The following BAZ2B variants were observed in gnomAD, a reference collection of about 807,000 sequenced individuals.
The protein encoded by BAZ2B is bromodomain adjacent to zinc finger domain protein 2B.
A neutral mutation model predicts 246.0 loss-of-function variants in BAZ2B; 91 were observed. The ratio of observed to expected loss-of-function variants is 0.37; its 90% CI spans 0.31 to 0.44. The LOEUF (loss-of-function observed/expected upper bound fraction) is 0.44. Among genes scored for constraint, BAZ2B ranks in the 20% least tolerant of loss-of-function variants. The probability of loss-of-function intolerance (pLI) is 1.00; values close to 1 mark genes in which losing one functional copy is unlikely to be tolerated. For missense variants in BAZ2B, 2,332 were observed against 2,533.7 expected, an observed-to-expected ratio of 0.92 and a Z score of 1.71; for synonymous variants, 855 against 860.0, an observed-to-expected ratio of 0.99 and a Z score of 0.10.
intron 26 of BAZ2B, 93 bp downstream of exon 26, chr2:159,374,598 T>G (rs1240903129): frequency 4.5e-6 from 5 of 1,109,078 alleles, no homozygotes; most frequent in Non-Finnish European, 5.3e-6. Context: ...CAAAAGCCTA[T>G]TTTTGCTTAG....
At chr2:159,568,243 T>C (rs1016035973) in intron 1 of BAZ2B, among the ~76,000 whole-genome samples, 2 of 152,216 alleles carry the variant, frequency 1.3e-5, no homozygotes, top group Non-Finnish European at 2.9e-5. Flanking sequence ...GAACAGCTGA[T>C]GTCCATAGAA....
chr2:159,423,394 G>A (rs184091821), intron 13 of BAZ2B, among the ~76,000 whole-genome samples: 5 of 152,214 alleles, frequency 3.3e-5, no homozygotes, highest in Admixed American at 1.3e-4. Flanking sequence ...CAAAGAAAAG[G>A]GAACACTTTA....
chr2:159,470,653 C>T (rs1292165442), intron 3 of BAZ2B, among the ~76,000 whole-genome samples: 1 of 152,106 alleles, frequency 6.6e-6, no homozygotes, highest in Non-Finnish European at 1.5e-5. Context: ...AGTGTACAGA[C>T]TCAAGCTTTA....
intron 1 of BAZ2B, among the ~76,000 whole-genome samples, chr2:159,590,624 T>C (rs953078863): frequency 6.6e-6 from 1 of 151,920 alleles, no homozygotes; most frequent in Non-Finnish European, 1.5e-5. Context: ...GATAGATAGA[T>C]AGCTTGGATA....
chr2:159,475,670 T>G (rs2150877652), intron 3 of BAZ2B, among the ~76,000 whole-genome samples: 1 of 152,326 alleles, frequency 6.6e-6, no homozygotes, highest in South Asian at 2.1e-4. Context: ...TTGCGCTGGT[T>G]TTTCCTCATC....
chr2:159,412,828 G>C (rs1369535598), intron 13 of BAZ2B, among the ~76,000 whole-genome samples: 3 of 152,022 alleles, frequency 2.0e-5, no homozygotes, highest in Non-Finnish European at 2.9e-5. Context: ...CACCATTTCT[G>C]AACTATAATG....
At chr2:159,484,475 C>T (rs1421890154) in intron 2 of BAZ2B, among the ~76,000 whole-genome samples, 1 of 152,150 alleles carries the variant, frequency 6.6e-6, no homozygotes. Flanking sequence ...GGGTAACATA[C>T]ATTTGCTGTA....
chr2:159,505,969 A>G (rs1210772673), intron 2 of BAZ2B, among the ~76,000 whole-genome samples: 1 of 152,198 alleles, frequency 6.6e-6, no homozygotes, highest in Non-Finnish European at 1.5e-5. Flanking sequence ...CCAGATGAGC[A>G]CTCAGGATGA....
At chr2:159,452,641 A>C (rs980199108) in intron 4 of BAZ2B, among the ~76,000 whole-genome samples, 1 of 152,230 alleles carries the variant, frequency 6.6e-6, no homozygotes, top group African/African-American at 2.4e-5. Flanking sequence ...AAATACATAC[A>C]AATTTAGGCT....
intron 3 of BAZ2B, among the ~76,000 whole-genome samples, chr2:159,468,768 T>C (rs1204350544): frequency 6.6e-6 from 1 of 152,082 alleles, no homozygotes; most frequent in East Asian, 1.9e-4. Context: ...GAAAAGGCCT[T>C]GTGCGGTGGC....
Position 159,453,629 on chromosome 2 carries a change from T to C in BAZ2B, c.318A>G (p.Gln106=), listed in dbSNP as rs1239063921. Residue 106 remains glutamine (Q), a synonymous_variant, in exon 4 of 37, where the codon CAA becomes CAG. Transcript: ENST00000392783. The part of the protein sequence containing the change: ...GTPTALAAHP[Q]LASFPGAEWW... Reference sequence around the variant, plus strand: ...GATGTTTACCTGGAAAAGATGCTAGTTGGGGATGTGCGGCTAAGGCTGTGG... The same window carrying C: ...GATGTTTACCTGGAAAAGATGCTAGCTGGGGATGTGCGGCTAAGGCTGTGG... 6.2e-7 allele frequency: 1 copy of C among 1,608,912 alleles called. No individual in the cohort carries two copies. Among genetic ancestry groups the C allele is most frequent in the Non-Finnish European group, 8.5e-7 (1 of 1,177,510 alleles).
At chr2:159,601,862 G>A (rs562650485) in intron 1 of BAZ2B, among the ~76,000 whole-genome samples, 1 of 152,252 alleles carries the variant, frequency 6.6e-6, no homozygotes, top group South Asian at 2.1e-4. Context: ...AGTGCCCAAT[G>A]TTACCAATAC....
chr2:159,396,611 GA>G (rs2064061664), intron 19 of BAZ2B: 1 of 151,944 alleles, frequency 6.6e-6, no homozygotes, highest in Non-Finnish European at 1.5e-5. Context: ...ATATCTCATC[GA>G]TTTTTTTGTT....
At chr2:159,637,530 T>C in the BAZ2B span, among the ~76,000 whole-genome samples, 2 of 152,204 alleles carry the variant, frequency 1.3e-5, no homozygotes, top group African/African-American at 4.8e-5. Flanking sequence ...AGCTTAGCCA[T>C]AGTAAAATAA....
chr2:159,375,647 C>T (rs1006186273), intron 25 of BAZ2B, among the ~76,000 whole-genome samples: 19 of 152,070 alleles, frequency 1.2e-4, no homozygotes, highest in African/African-American at 4.3e-4. Context: ...AACTAGCTAA[C>T]AGATTAGAGA....
At position 159,495,104 on chromosome 2, in the gene BAZ2B, T is replaced by C. The variant is rs113747280; in HGVS notation, c.-2-16383A>G. On this transcript the variant is annotated intron_variant, in intron 2 of 36. Coordinates refer to ENST00000392783, the MANE Select transcript of BAZ2B (RefSeq NM_013450.4). The stretch of plus-strand genomic sequence containing the variant: ...ATAAGTAAGATATGCAGTTGGAAGA[T>C]ATTATATTTATTCTTAATTTTGTTA... 2.6e-5 allele frequency among the ~76,000 whole-genome samples: 4 copies of C among 152,304 alleles called. 1 individual carries two copies. Among genetic ancestry groups the C allele is most frequent in the African/African-American group, 9.6e-5 (4 of 41,556 alleles).
chr2:159,490,909 G>C (rs1442446509), intron 2 of BAZ2B, among the ~76,000 whole-genome samples: 1 of 152,086 alleles, frequency 6.6e-6, no homozygotes, highest in Non-Finnish European at 1.5e-5. Flanking sequence ...ACGTAGGCAA[G>C]ATTGACAACA....
At chr2:159,621,967 G>A in the BAZ2B span, among the ~76,000 whole-genome samples, 3 of 152,158 alleles carry the variant, frequency 2.0e-5, no homozygotes, top group East Asian at 1.9e-4. Context: ...TTAGCCAAGC[G>A]TGGTGGCACA....
At chr2:159,460,367 T>C (rs1006004630) in intron 3 of BAZ2B, 1 of 152,074 alleles carries the variant, frequency 6.6e-6, no homozygotes, top group African/African-American at 2.4e-5. Context: ...AACAAAATAA[T>C]TGTAAGAACT....
Sources: allele counts gnomAD v4.1 joint callset (sites outside exome capture counted in the v4.1 genomes callset), GRCh38; gene constraint gnomAD v4.1.1; transcripts MANE v1.5; gene names NCBI Gene and HGNC (gene_info 2026-07-23, HGNC 2026-07-21).